DNAAF11: variants seen among roughly 807,000 people sequenced by gnomAD.
DNAAF11 encodes dynein axonemal assembly factor 11, also known as leucine rich repeat containing 6.
In DNAAF11, 45 loss-of-function variants were observed where a neutral mutation model predicts 60.8. The ratio of observed to expected loss-of-function variants is 0.74; its 90% CI spans 0.58 to 0.95. The LOEUF (loss-of-function observed/expected upper bound fraction) is 0.95, where lower values mean the gene tolerates loss of function less well. Among genes scored for constraint, DNAAF11 ranks in the 40% least tolerant of loss-of-function variants. The pLI is 0.00. For missense variants in DNAAF11, 546 were observed against 546.2 expected, an observed-to-expected ratio of 1.00 and a Z score of 0.00; for synonymous variants, 191 against 183.5, an observed-to-expected ratio of 1.04 and a Z score of -0.33.
intron 7 of DNAAF11, among the ~76,000 whole-genome samples, chr8:132,618,143 C>CATA (rs1351489953): frequency 6.6e-6 from 1 of 151,904 alleles, no homozygotes; most frequent in African/African-American, 2.4e-5. Context: ...AACAATGCCG[C>CATA]ATATCTACAA....
At chr8:132,589,275 G>A (rs540337337) in intron 10 of DNAAF11, among the ~76,000 whole-genome samples, 15 of 152,274 alleles carry the variant, frequency 9.9e-5, no homozygotes, top group African/African-American at 2.2e-4. Flanking sequence ...AAACTAGCAC[G>A]AAATATGTGG....
At chr8:132,696,000 G>A in the DNAAF11 span, among the ~76,000 whole-genome samples, 186 of 152,288 alleles carry the variant, frequency 1.2e-3, no homozygotes, top group African/African-American at 3.9e-3. Flanking sequence ...GAGAAAGAAT[G>A]AGCTGGAAAG....
At chr8:132,643,264 T>C (rs1053576738) in intron 3 of DNAAF11, 2 of 176,254 alleles carry the variant, frequency 1.1e-5, no homozygotes, top group Non-Finnish European at 2.4e-5. Context: ...TAAAATATCA[T>C]CATCATCTTC....
chr8:132,668,605 AT>A (rs1000670618), intron 1 of DNAAF11, among the ~76,000 whole-genome samples: 7 of 149,240 alleles, frequency 4.7e-5, no homozygotes, highest in East Asian at 2.0e-4. Context: ...CGCCTGGCTA[AT>A]TTTTTTTTTG....
At chr8:132,634,188 C>CT (rs1821071924) in intron 4 of DNAAF11, among the ~76,000 whole-genome samples, 1 of 152,120 alleles carries the variant, frequency 6.6e-6, no homozygotes, top group South Asian at 2.1e-4. Context: ...CATATGGTTG[C>CT]TATAGATGGG....
chr8:132,611,914 C>G (rs1016554621), intron 8 of DNAAF11, among the ~76,000 whole-genome samples: 1 of 152,218 alleles, frequency 6.6e-6, no homozygotes, highest in African/African-American at 2.4e-5. Context: ...TTCTCCTCCA[C>G]TCATGAGCAA....
intron 1 of DNAAF11, 43 bp from the exon 2 acceptor site, chr8:132,661,670 T>A: frequency 6.4e-7 from 1 of 1,571,720 alleles, no homozygotes; most frequent in Non-Finnish European, 8.8e-7. Context: ...GTCCCCATTG[T>A]TCAATATAAG....
At chr8:132,650,879 A>AT (rs972790775) in intron 3 of DNAAF11, among the ~76,000 whole-genome samples, 2 of 152,226 alleles carry the variant, frequency 1.3e-5, no homozygotes, top group Non-Finnish European at 2.9e-5. Context: ...GGATGTTGCT[A>AT]TAATTTTGTA....
intron 10 of DNAAF11, among the ~76,000 whole-genome samples, chr8:132,591,955 CTTTA>C (rs909353364): frequency 2.1e-4 from 32 of 151,952 alleles, no homozygotes; most frequent in African/African-American, 7.2e-4. Flanking sequence ...AGATATTTAT[CTTTA>C]TTTATTTTCT....
At chr8:132,605,033 C>A (rs974662719) in intron 10 of DNAAF11, among the ~76,000 whole-genome samples, 2 of 152,106 alleles carry the variant, frequency 1.3e-5, no homozygotes, top group African/African-American at 4.8e-5. Flanking sequence ...ATATGCATTA[C>A]TAGCAATGAA....
chr8:132,640,884 A>G (rs1821787948), intron 3 of DNAAF11, among the ~76,000 whole-genome samples: 1 of 152,188 alleles, frequency 6.6e-6, no homozygotes, highest in South Asian at 2.1e-4. Flanking sequence ...GAAAGTACTC[A>G]AAGAAAGATA....
intron 3 of DNAAF11, among the ~76,000 whole-genome samples, chr8:132,655,064 G>C (rs1050111017): frequency 2.6e-5 from 4 of 151,726 alleles, no homozygotes; most frequent in African/African-American, 9.7e-5. Flanking sequence ...AATCAGGAAT[G>C]AAAGATGAGA....
chr8:132,621,928 C>A (rs887798793), intron 7 of DNAAF11, among the ~76,000 whole-genome samples: 1 of 152,108 alleles, frequency 6.6e-6, no homozygotes, highest in Admixed American at 6.5e-5. Flanking sequence ...CAGGATTGTA[C>A]CTTCACCATG....
intron 5 of DNAAF11, among the ~76,000 whole-genome samples, chr8:132,631,390 T>A (rs939772631): frequency 3.3e-5 from 5 of 152,252 alleles, no homozygotes; most frequent in Non-Finnish European, 7.3e-5. Context: ...ACCTCTGGGA[T>A]AAATTGTAAT....
chr8:132,677,133 G>A (rs1236693193), upstream of DNAAF11, among the ~76,000 whole-genome samples: 3 of 152,172 alleles, frequency 2.0e-5, no homozygotes, highest in Non-Finnish European at 4.4e-5. Flanking sequence ...ACACTGACAC[G>A]TGACACTGAG....
At chr8:132,615,679 C>T (rs916315175) in intron 7 of DNAAF11, among the ~76,000 whole-genome samples, 1 of 152,130 alleles carries the variant, frequency 6.6e-6, no homozygotes, top group African/African-American at 2.4e-5. Context: ...TAATAAATGC[C>T]TTTACACTTT....
chr8:132,689,576 A>T, the DNAAF11 span, among the ~76,000 whole-genome samples: 1 of 152,172 alleles, frequency 6.6e-6, no homozygotes, highest in South Asian at 2.1e-4. Flanking sequence ...TTACAATAGG[A>T]ATATACTATA....
intron 7 of DNAAF11, among the ~76,000 whole-genome samples, chr8:132,616,083 T>C (rs900969322): frequency 5.9e-5 from 9 of 152,094 alleles, no homozygotes; most frequent in African/African-American, 2.2e-4. Context: ...GCTTATTACT[T>C]GTAAAGTAAT....
At chr8:132,697,843 A>G in the DNAAF11 span, among the ~76,000 whole-genome samples, 1 of 152,138 alleles carries the variant, frequency 6.6e-6, no homozygotes, top group Non-Finnish European at 1.5e-5. Flanking sequence ...TCAAAACTGG[A>G]GGTTTTAGGG....
Sources: allele counts gnomAD v4.1 joint callset (sites outside exome capture counted in the v4.1 genomes callset), GRCh38; gene constraint gnomAD v4.1.1; transcripts MANE v1.5; gene names NCBI Gene and HGNC (gene_info 2026-07-23, HGNC 2026-07-21).